FTCDNL1: variants seen among roughly 807,000 people sequenced by gnomAD.
FTCDNL1 encodes the protein formiminotransferase N-terminal subdomain-containing protein.
In FTCDNL1, 11 loss-of-function variants were observed where a neutral mutation model predicts 5.9. That is an observed-to-expected ratio of 1.87 (90% confidence interval 1.18 to 3.10). The LOEUF is 3.10. FTCDNL1 is among the 30% of genes most tolerant of loss of function. FTCDNL1 has a pLI of 0.00. For missense variants in FTCDNL1, 115 were observed against 65.5 expected, an observed-to-expected ratio of 1.76 and a Z score of -2.61; for synonymous variants, 58 against 24.8, an observed-to-expected ratio of 2.34 and a Z score of -3.99.
Position 199,780,045 on chromosome 2 carries a change from T to C in FTCDNL1, c.212-19210A>G, listed in dbSNP as rs571708146. Among the ~76,000 whole-genome samples the C allele has an allele frequency of 3.9e-5, 6 of 152,266 alleles. No individual in the cohort carries two copies. In the South Asian group the frequency reaches 1.0e-3, roughly 26 times the overall value. ...AAAAAGCAAGAAACATAGCAATCCA[T>C]GGAGTTCCCTGGAGAACAGACTGTG... On this transcript the variant is annotated intron_variant, in intron 3 of 3. Coordinates refer to the FTCDNL1 transcript ENST00000416668.
the FTCDNL1 span, among the ~76,000 whole-genome samples, chr2:199,703,057 A>G: frequency 2.4e-4 from 36 of 151,786 alleles, no homozygotes; most frequent in African/African-American, 8.2e-4. Flanking sequence ...ATTTTATTTA[A>G]TTTTATTATT....
chr2:199,746,018 C>T, the FTCDNL1 span, among the ~76,000 whole-genome samples: 3 of 152,158 alleles, frequency 2.0e-5, no homozygotes, highest in Non-Finnish European at 4.4e-5. Context: ...TCAGATTTTA[C>T]GTGACATTAA....
rs999864246 is a variant in FTCDNL1, at chr2:199,846,188, C to A, written c.116-18G>T. On this transcript the variant is annotated intron_variant, in intron 2 of 4. Coordinates refer to ENST00000420128, the MANE Select transcript of FTCDNL1 (RefSeq NM_001363886.2). ...TTTCTTTCCTGTAAAAAAAACAAGA[C>A]AGAAGTGCAAGAATTTTTTTTCTGT... The A allele has an allele frequency of 3.0e-6, 2 of 670,700 alleles. No homozygotes were observed. The highest frequency in any genetic ancestry group is 1.6e-5 in the South Asian group (1 of 61,410). 41.5% of individuals were successfully genotyped at this position (670,700 alleles called of 1,614,324 possible).
the FTCDNL1 span, among the ~76,000 whole-genome samples, chr2:199,744,691 A>G: frequency 2.0e-5 from 3 of 152,220 alleles, no homozygotes; most frequent in African/African-American, 4.8e-5. Context: ...ACATTGTGAT[A>G]TCCTCAAAGT....
the FTCDNL1 span, among the ~76,000 whole-genome samples, chr2:199,729,416 C>A: frequency 1.3e-5 from 2 of 152,192 alleles, no homozygotes; most frequent in African/African-American, 4.8e-5. Context: ...CAAATTGTCT[C>A]TGTTTGTGGA....
the FTCDNL1 span, among the ~76,000 whole-genome samples, chr2:199,673,603 T>C: frequency 6.6e-6 from 1 of 152,156 alleles, no homozygotes. Context: ...ATACAGTCCA[T>C]GCGTTCACAG....
At chr2:199,776,558 C>T (rs562669594) in intron 3 of FTCDNL1, among the ~76,000 whole-genome samples, 2 of 152,316 alleles carry the variant, frequency 1.3e-5, no homozygotes, top group South Asian at 2.1e-4. Flanking sequence ...AAAGGTACCA[C>T]TCGGGTCCTC....
In FTCDNL1 at chr2:199,845,943, C is replaced by T. The variant is rs10204530; in HGVS notation, c.211+132G>A. The stretch of plus-strand genomic sequence containing the variant: ...TGTTCAGAAAAATGATTAAGTGTAG[C>T]TTTGTGGTAGACTCTTTACTTAATA... On this transcript the variant is annotated intron_variant, in intron 3 of 4. Transcript: ENST00000420128. 2,425 of 437,542 alleles carry T rather than the reference C, an allele frequency of 5.5e-3. 43 individuals carry two copies. Among genetic ancestry groups the T allele is most frequent in the African/African-American group, 0.044 (2,197 of 50,016 alleles). 27.1% of individuals were successfully genotyped at this position (437,542 alleles called of 1,614,324 possible).
At chr2:199,686,974 A>G in the FTCDNL1 span, among the ~76,000 whole-genome samples, 4 of 152,186 alleles carry the variant, frequency 2.6e-5, no homozygotes, top group East Asian at 3.8e-4. Flanking sequence ...TCTAAGTTTT[A>G]GGCCCATCCA....
chr2:199,711,635 T>C, the FTCDNL1 span, among the ~76,000 whole-genome samples: 1 of 152,154 alleles, frequency 6.6e-6, no homozygotes, highest in Non-Finnish European at 1.5e-5. Context: ...GTCATAGTCC[T>C]AACAGGAATA....
At chr2:199,730,953 T>A in the FTCDNL1 span, among the ~76,000 whole-genome samples, 1 of 152,208 alleles carries the variant, frequency 6.6e-6, no homozygotes, top group Non-Finnish European at 1.5e-5. Flanking sequence ...TAAATGCCCA[T>A]CAGTGATAGA....
chr2:199,775,866 T>C (rs1022635612), intron 3 of FTCDNL1, among the ~76,000 whole-genome samples: 1 of 151,698 alleles, frequency 6.6e-6, no homozygotes, highest in Non-Finnish European at 1.5e-5. Flanking sequence ...GTCTAGTTTA[T>C]AAAGAAACCG....
At chr2:199,833,279 C>T (rs1317543096) in intron 3 of FTCDNL1, among the ~76,000 whole-genome samples, 3 of 152,156 alleles carry the variant, frequency 2.0e-5, no homozygotes. Flanking sequence ...GTTTCAAATT[C>T]TTATCCTGCC....
At chr2:199,716,031 G>T in the FTCDNL1 span, among the ~76,000 whole-genome samples, 1 of 84,108 alleles carries the variant, frequency 1.2e-5, no homozygotes, top group African/African-American at 5.2e-5. Context: ...ACTGCCTCTA[G>T]TTAAAAAAAA....
At chr2:199,792,728 A>G (rs1328897214) in intron 3 of FTCDNL1, among the ~76,000 whole-genome samples, 1 of 152,106 alleles carries the variant, frequency 6.6e-6, no homozygotes, top group African/African-American at 2.4e-5. Context: ...ACTTATCCCC[A>G]GCATAGAGAT....
Position 199,846,227 on chromosome 2 carries a change from T to C in FTCDNL1, c.116-57A>G, listed in dbSNP as rs1009464496. On this transcript the variant is annotated intron_variant, in intron 2 of 4. Coordinates refer to ENST00000420128, the MANE Select transcript of FTCDNL1 (RefSeq NM_001363886.2). ...TTTTTTTTCTGTGATAAAACCTTAA[T>C]AGTTAATTTCTTCTGGTATATTTAA... 7 of 641,610 alleles carry C rather than the reference T, an allele frequency of 1.1e-5. No individual in the cohort carries two copies. The African/African-American group carries it at 1.3e-4, about 12-fold the overall frequency. 39.7% of individuals were successfully genotyped at this position (641,610 alleles called of 1,614,324 possible).
At chr2:199,673,295 T>G in the FTCDNL1 span, among the ~76,000 whole-genome samples, 15 of 126,072 alleles carry the variant, frequency 1.2e-4, no homozygotes, top group East Asian at 3.7e-3. Context: ...TCCATTGCAC[T>G]CCAGCTTGGT....
the FTCDNL1 span, among the ~76,000 whole-genome samples, chr2:199,707,348 T>A: frequency 1.3e-5 from 2 of 151,910 alleles, no homozygotes; most frequent in East Asian, 3.9e-4. Flanking sequence ...CAATATTTTA[T>A]ATATATGTAA....
the FTCDNL1 span, among the ~76,000 whole-genome samples, chr2:199,690,229 A>G: frequency 6.6e-6 from 1 of 152,226 alleles, no homozygotes. Flanking sequence ...TTTCCACTGT[A>G]TGCATCCAGT....
Sources: allele counts gnomAD v4.1 joint callset (sites outside exome capture counted in the v4.1 genomes callset), GRCh38; gene constraint gnomAD v4.1.1; transcripts MANE v1.5; gene names NCBI Gene and HGNC (gene_info 2026-07-23, HGNC 2026-07-21).